ATP6V1D: variants seen among roughly 807,000 people sequenced by gnomAD.
ATP6V1D encodes ATPase H+ transporting V1 subunit D, also known as V-type proton ATPase subunit D.
Under a neutral mutation model 39.4 loss-of-function variants are expected in ATP6V1D, and 20 were observed. The observed-to-expected ratio is 0.51, with a 90% CI of 0.36 to 0.74. ATP6V1D has a LOEUF of 0.74. Among genes scored for constraint, ATP6V1D ranks in the 30% least tolerant of loss-of-function variants. The pLI, the probability that ATP6V1D is intolerant of heterozygous loss-of-function variation, is 0.00. For missense variants in ATP6V1D, 228 were observed against 291.6 expected, an observed-to-expected ratio of 0.78 and a Z score of 1.59; for synonymous variants, 100 against 100.5, an observed-to-expected ratio of 0.99 and a Z score of 0.03.
chr14:67,347,500 CTCT>C (rs1566599613), intron 4 of ATP6V1D, 47 bp from the exon 5 acceptor site: 55 of 1,300,674 alleles, frequency 4.2e-5, no homozygotes, highest in East Asian at 1.1e-4. Flanking sequence ...TTTAAGTTCT[CTCT>C]TTTTTTTTTT....
chr14:67,340,799 G>C (rs373967523), intron 7 of ATP6V1D, among the ~76,000 whole-genome samples: 93 of 152,218 alleles, frequency 6.1e-4, no homozygotes, highest in Non-Finnish European at 1.0e-3. Flanking sequence ...TCAGCCTGCC[G>C]AGTGCCTGCG....
chr14:67,351,844 AG>A (rs2085655804), intron 2 of ATP6V1D, among the ~76,000 whole-genome samples: 1 of 151,966 alleles, frequency 6.6e-6, no homozygotes, highest in Non-Finnish European at 1.5e-5. Context: ...TTAAGTTAAA[AG>A]AAAAGGCGTG....
intron 3 of ATP6V1D, 123 bp downstream of exon 3, chr14:67,350,485 TTTC>T (rs1237008612): frequency 2.8e-6 from 2 of 722,300 alleles, no homozygotes; most frequent in Non-Finnish European, 4.4e-6. Context: ...AAAAGAATTC[TTTC>T]TTATTATTAC....
chr14:67,355,829 C>CA (rs755032476), intron 1 of ATP6V1D, among the ~76,000 whole-genome samples: 1,780 of 130,394 alleles, frequency 0.014, 29 homozygotes, highest in African/African-American at 0.044. Context: ...CCTGTCTCTA[C>CA]AAAAAAAAAA....
intron 2 of ATP6V1D, among the ~76,000 whole-genome samples, chr14:67,352,070 A>G (rs979545398): frequency 2.6e-5 from 4 of 152,016 alleles, no homozygotes; most frequent in Non-Finnish European, 5.9e-5. Context: ...TGATCACTTG[A>G]GCCCAGGTGG....
chr14:67,351,943 T>C (rs754509723), intron 2 of ATP6V1D, among the ~76,000 whole-genome samples: 1 of 120,420 alleles, frequency 8.3e-6, no homozygotes, highest in Non-Finnish European at 1.6e-5. Flanking sequence ...ACCAAGAAAA[T>C]CAAATTGTCA....
At chr14:67,342,451 G>A (rs2085592316) in intron 7 of ATP6V1D, among the ~76,000 whole-genome samples, 1 of 150,990 alleles carries the variant, frequency 6.6e-6, no homozygotes. Flanking sequence ...AAAAAATCGA[G>A]CAGAGAGAAT....
intron 3 of ATP6V1D, among the ~76,000 whole-genome samples, chr14:67,349,715 A>G (rs1179377771): frequency 2.0e-5 from 3 of 152,206 alleles, no homozygotes; most frequent in Non-Finnish European, 2.9e-5. Context: ...CAAAACAAAA[A>G]TAAATATTAT....
chr14:67,350,479 G>A (rs1046916868), intron 3 of ATP6V1D, 132 bp downstream of exon 3: 2 of 692,550 alleles, frequency 2.9e-6, no homozygotes, highest in Admixed American at 6.7e-5. Context: ...GGGGTTAAAA[G>A]AATTCTTTCT....
intron 1 of ATP6V1D, among the ~76,000 whole-genome samples, chr14:67,358,179 A>G (rs947464151): frequency 6.6e-6 from 1 of 152,144 alleles, no homozygotes; most frequent in African/African-American, 2.4e-5. Flanking sequence ...GATGTCTTTC[A>G]GTGCAGAAGT....
chr14:67,346,111 CCTTCA>C lies in ATP6V1D; in HGVS notation c.353-245_353-241del, dbSNP rs146202217. Among the ~76,000 whole-genome samples the C allele has an allele frequency of 4.3e-3, 659 of 152,268 alleles. 2 individuals carry two copies. Among genetic ancestry groups the C allele is most frequent in the Non-Finnish European group, 7.0e-3 (478 of 68,028 alleles). The stretch of plus-strand genomic sequence containing the variant: ...AACTACAAAGGAAGCTTTTAACCAA[CCTTCA>C]CTTCACTAGCTTGATGCCCCTTATT... On this transcript the variant is annotated intron_variant, in intron 5 of 8. Transcript: ENST00000216442.
chr14:67,343,508 C>G, intron 6 of ATP6V1D, 70 bp from the exon 7 acceptor site: 1 of 1,065,346 alleles, frequency 9.4e-7, no homozygotes, highest in Non-Finnish European at 1.4e-6. Flanking sequence ...CTTGACTCCA[C>G]TAAGACTGCA....
chr14:67,353,118 A>C (rs1322900166), intron 1 of ATP6V1D, 78 bp from the exon 2 acceptor site: 3 of 1,099,508 alleles, frequency 2.7e-6, no homozygotes, highest in Non-Finnish European at 4.0e-6. Flanking sequence ...ACCAGTGTTA[A>C]AATTATCCTT....
chr14:67,355,110 C>A (rs1449658545), intron 1 of ATP6V1D, among the ~76,000 whole-genome samples: 1 of 152,070 alleles, frequency 6.6e-6, no homozygotes, highest in African/African-American at 2.4e-5. Context: ...CCGCACCTGG[C>A]CTGCATTTTT....
At chr14:67,351,851 G>C (rs147660135) in intron 2 of ATP6V1D, among the ~76,000 whole-genome samples, 1 of 144,476 alleles carries the variant, frequency 6.9e-6, no homozygotes, top group Admixed American at 7.4e-5. Flanking sequence ...AAAAGAAAAG[G>C]CGTGGAAAAA....
In ATP6V1D at chr14:67,338,347, C is replaced by G; in HGVS notation, c.*274G>C. 1 of 308,462 alleles carries G rather than the reference C, an allele frequency of 3.2e-6. No individual in the cohort carries two copies. The highest frequency in any genetic ancestry group is 7.6e-5 in the South Asian group (1 of 13,148). 19.1% of individuals were successfully genotyped at this position (308,462 alleles called of 1,614,324 possible). On this transcript the variant is annotated 3_prime_UTR_variant, in exon 9 of 9. Transcript: ENST00000216442. ...CCTAATATGCTTGGTAAGCAGATCA[C>G]GTGTAACACAGATGTAAATGGAGTA...
intron 2 of ATP6V1D, 130 bp downstream of exon 2, chr14:67,352,793 A>T (rs2085664165): frequency 2.3e-5 from 15 of 641,396 alleles, no homozygotes; most frequent in Non-Finnish European, 3.7e-5. Context: ...GACACTTGTT[A>T]AACTTATAAT....
In ATP6V1D at chr14:67,338,624, T is replaced by C. The variant is rs1346029553; in HGVS notation, c.741A>G (p.Glu247=). 3.1e-6 allele frequency: 5 copies of C among 1,613,492 alleles called. No homozygotes were observed. Among genetic ancestry groups the C allele is most frequent in the African/African-American group, 1.3e-5 (1 of 74,906 alleles). Residue 247 remains glutamate (E), a synonymous_variant, in exon 9 of 9, where the codon GAA becomes GAG. Transcript: ENST00000216442. ...CAAAGAACCAGAACAGGAAAGATTA[T>C]TCAAATAGAAGATCCTCGTCCTTCT... ...AEEKDEDLLF[E]
chr14:67,359,421 C>A (rs1472766510), intron 1 of ATP6V1D, among the ~76,000 whole-genome samples: 2 of 152,224 alleles, frequency 1.3e-5, no homozygotes, highest in East Asian at 3.9e-4. Flanking sequence ...TCCACAAAAG[C>A]CCGCCGGCCG....
Sources: allele counts gnomAD v4.1 joint callset (sites outside exome capture counted in the v4.1 genomes callset), GRCh38; gene constraint gnomAD v4.1.1; transcripts MANE v1.5; gene names NCBI Gene and HGNC (gene_info 2026-07-23, HGNC 2026-07-21).